Variants in TPRA1 observed in about 807,000 individuals in gnomAD.
TPRA1 encodes the protein transmembrane protein adipocyte-associated 1.
Under a neutral mutation model 40.1 loss-of-function variants are expected in TPRA1, and 28 were observed. The ratio of observed to expected loss-of-function variants is 0.70; its 90% CI spans 0.52 to 0.96. TPRA1 has a LOEUF of 0.96. TPRA1 is among the 40% of genes least tolerant of loss of function. The pLI is 0.00. For synonymous variants in TPRA1, 219 were observed against 209.7 expected, an observed-to-expected ratio of 1.04 and a Z score of -0.38; for missense variants, 441 against 482.6, an observed-to-expected ratio of 0.91 and a Z score of 0.81.
intron 1 of TPRA1, chr3:127,587,035 C>T (rs2107660202): frequency 6.6e-6 from 1 of 152,350 alleles, no homozygotes; most frequent in Non-Finnish European, 1.5e-5. Flanking sequence ...CGTGACTAAC[C>T]CTTCACAACC....
upstream of TPRA1, chr3:127,591,091 C>A (rs979349206): frequency 1.3e-5 from 2 of 152,216 alleles, no homozygotes; most frequent in Admixed American, 6.5e-5. Context: ...GCCTGGGCCG[C>A]GGCCGGACCG....
rs1379336913 is a variant in TPRA1 at position 127,576,070 on chromosome 3, G to T, written c.499-20C>A. ...GGTCCCCTGCAGGGGCAAGCAGGAAGGGAGGAAGGGAGAGGATCTCAAGGC... is the reference window on the plus strand; with the variant it reads ...GGTCCCCTGCAGGGGCAAGCAGGAATGGAGGAAGGGAGAGGATCTCAAGGC... On this transcript the variant is annotated intron_variant, in intron 6 of 10. Coordinates refer to ENST00000355552, the MANE Select transcript of TPRA1 (RefSeq NM_001136053.4). The surrounding 1 kb of genome is among the most constrained non-coding windows in gnomAD (Gnocchi z 4.6). The T allele has an allele frequency of 6.3e-7, 1 of 1,580,622 alleles. No individual in the cohort carries two copies. The highest frequency in any genetic ancestry group is 8.7e-7 in the Non-Finnish European group (1 of 1,150,646).
At chr3:127,589,158 C>T (rs1341856259) in intron 1 of TPRA1, among the ~76,000 whole-genome samples, 1 of 152,150 alleles carries the variant, frequency 6.6e-6, no homozygotes, top group African/African-American at 2.4e-5. Flanking sequence ...GGGGCCTCTG[C>T]CTCCCTCCCT....
chr3:127,590,865 G>C (rs1280767364), upstream of TPRA1: 1 of 152,294 alleles, frequency 6.6e-6, no homozygotes, highest in African/African-American at 2.4e-5. Flanking sequence ...TTCCCAAGAG[G>C]CGGAGCAGCC....
intron 10 of TPRA1, 107 bp downstream of exon 10, chr3:127,575,078 G>A (rs2073543023): frequency 5.8e-6 from 7 of 1,217,160 alleles, no homozygotes; most frequent in Non-Finnish European, 8.2e-6. Context: ...GTGCGCATGC[G>A]CACTGTATGC....
rs961844012 is a variant in TPRA1, at chr3:127,575,979, G to GC, written c.569dup (p.Arg191ProfsTer159). The GC allele has an allele frequency of 1.2e-6, 2 of 1,613,936 alleles. No homozygotes were observed. Among genetic ancestry groups the GC allele is most frequent in the African/African-American group, 2.7e-5 (2 of 74,932 alleles). On this transcript the variant is annotated frameshift_variant, in exon 7 of 11. Transcript: ENST00000355552. LOFTEE classifies it high-confidence loss of function. The stretch of plus-strand genomic sequence containing the variant: ...AGGAGCTGACCAGCCAGAACTGGCG[G>GC]CCCCCATGGCCATAGATATTAAAGT...
At chr3:127,582,440 C>T (rs2073861243) in intron 1 of TPRA1, among the ~76,000 whole-genome samples, 1 of 152,144 alleles carries the variant, frequency 6.6e-6, no homozygotes, top group South Asian at 2.1e-4. Context: ...GAGGCTCATG[C>T]CAGTAATCCC....
chr3:127,585,967 A>G (rs1037461815), intron 1 of TPRA1, among the ~76,000 whole-genome samples: 1 of 152,202 alleles, frequency 6.6e-6, no homozygotes, highest in Non-Finnish European at 1.5e-5. Flanking sequence ...AATGTCTGCA[A>G]TGCATAGGAC....
At chr3:127,580,695 G>A (rs547036822) in intron 1 of TPRA1, among the ~76,000 whole-genome samples, 12 of 152,382 alleles carry the variant, frequency 7.9e-5, no homozygotes, top group African/African-American at 2.6e-4. Context: ...AGAGGCCACT[G>A]ACTTGTGTGA....
At chr3:127,598,038 G>A (rs925411298) in exon 1 of TPRA1, 4 of 275,896 alleles carry the variant, frequency 1.4e-5, no homozygotes, top group Admixed American at 5.2e-5. Context: ...GAACTCCTGA[G>A]CTTGTGATCC....
intron 3 of TPRA1, 79 bp downstream of exon 3, chr3:127,579,661 T>A: frequency 6.6e-7 from 1 of 1,510,068 alleles, no homozygotes; most frequent in Non-Finnish European, 9.1e-7. Context: ...TGAAGCTTAT[T>A]TTCATTATAG....
Position 127,576,182 on chromosome 3 carries a change from C to T in TPRA1, c.499-132G>A, listed in dbSNP as rs1156519895. 1.1e-5 allele frequency: 8 copies of T among 709,064 alleles called. No individual in the cohort carries two copies. The highest frequency in any genetic ancestry group is 2.0e-5 in the Non-Finnish European group (8 of 410,034). 43.9% of individuals were successfully genotyped at this position (709,064 alleles called of 1,614,324 possible). On this transcript the variant is annotated intron_variant, in intron 6 of 10. Transcript: ENST00000355552. This position sits in a 1 kb window ranked among gnomAD's most constrained non-coding sequence, Gnocchi z 4.6. ...CAGCCTCTTGGCCTGACCCTCAACT[C>T]ACCTGCCCCAGTCTGCTCCCTGGCC... is the stretch of plus-strand genomic sequence containing the variant.
chr3:127,587,928 G>C (rs951401667), intron 1 of TPRA1: 2 of 152,444 alleles, frequency 1.3e-5, no homozygotes, highest in Non-Finnish European at 2.9e-5. Flanking sequence ...GGAGGTGTCA[G>C]CTGCTCTGCC....
Position 127,572,846 on chromosome 3 carries a change from C to G in TPRA1, c.*675G>C, listed in dbSNP as rs761495884. On this transcript the variant is annotated 3_prime_UTR_variant, in exon 11 of 11. Coordinates refer to ENST00000355552, the MANE Select transcript of TPRA1 (RefSeq NM_001136053.4). ...CTCACAAAACATAGTTCTCCTCTCT[C>G]TCCATGTCTGTCCCCCCTACTCAGA... 4.6e-5 allele frequency among the ~76,000 whole-genome samples: 7 copies of G among 152,208 alleles called. No homozygotes were observed. Among genetic ancestry groups the G allele is most frequent in the African/African-American group, 1.7e-4 (7 of 41,452 alleles).
Position 127,573,548 on chromosome 3 carries a change from G to A in TPRA1, c.1095C>T (p.Ser365=), listed in dbSNP as rs372160309. The change falls in exon 11 of 11, where the codon AGC becomes AGT. Residue 365 remains serine (S), a synonymous_variant. Coordinates refer to ENST00000355552, the MANE Select transcript of TPRA1 (RefSeq NM_001136053.4). ...CHTGSINSTD[S]ERWKAINA ...AGGCATTGATGGCCTTCCAGCGCTC[G>A]CTGTCTGTGCTGTTGATGCTGCCAG... 28 of 1,612,646 alleles carry A rather than the reference G, an allele frequency of 1.7e-5. No homozygotes were observed. Among genetic ancestry groups the A allele is most frequent in the East Asian group, 4.5e-5 (2 of 44,884 alleles).
intron 10 of TPRA1, 32 bp from the exon 11 acceptor site, chr3:127,573,820 T>C: frequency 6.5e-7 from 1 of 1,526,776 alleles, no homozygotes; most frequent in South Asian, 1.3e-5. Flanking sequence ...CATGGAAGCC[T>C]CACTGAGTGA....
intron 10 of TPRA1, chr3:127,574,891 C>T (rs1240206732): frequency 8.4e-6 from 4 of 473,574 alleles, no homozygotes; most frequent in Admixed American, 7.5e-5. Context: ...TGTTTGTGTG[C>T]ATATGCCCGT....
chr3:127,581,010 A>G (rs2073814783), intron 1 of TPRA1, among the ~76,000 whole-genome samples: 2 of 152,186 alleles, frequency 1.3e-5, no homozygotes, highest in African/African-American at 2.4e-5. Context: ...GGAAGACAGG[A>G]GAGCTGGTGG....
chr3:127,585,093 T>A (rs997357239), intron 1 of TPRA1, among the ~76,000 whole-genome samples: 1 of 152,214 alleles, frequency 6.6e-6, no homozygotes, highest in East Asian at 1.9e-4. Context: ...TAATCTATTT[T>A]ATTATCCTAG....
Sources: allele counts gnomAD v4.1 joint callset (sites outside exome capture counted in the v4.1 genomes callset), GRCh38; gene constraint gnomAD v4.1.1; non-coding constraint Gnocchi (gnomAD v3.1); transcripts MANE v1.5; gene names NCBI Gene and HGNC (gene_info 2026-07-23, HGNC 2026-07-21).